The following EDA variants were observed in gnomAD, a reference collection of about 807,000 sequenced individuals.
EDA encodes the protein ectodysplasin-A.
A neutral mutation model predicts 23.6 loss-of-function variants in EDA; 2 were observed. The ratio of observed to expected loss-of-function variants is 0.08; its 90% CI spans 0.03 to 0.27. The LOEUF is 0.27. Ranked by LOEUF, EDA falls within the 10% of genes least tolerant of loss-of-function variation. The pLI, the probability that EDA is intolerant of heterozygous loss-of-function variation, is 1.00. For synonymous variants in EDA, 131 were observed against 132.0 expected, an observed-to-expected ratio of 0.99 and a Z score of 0.05; for missense variants, 229 against 324.2, an observed-to-expected ratio of 0.71 and a Z score of 2.26.
chrX:69,636,597 G>A (rs1932777826), intron 1 of EDA, among the ~76,000 whole-genome samples: 1 of 104,460 alleles, frequency 9.6e-6, no homozygotes, highest in Non-Finnish European at 1.9e-5. Context: ...CTAGAACAAT[G>A]TCACGCACAC....
intron 1 of EDA, among the ~76,000 whole-genome samples, chrX:69,697,541 G>T (rs959542172): frequency 4.5e-5 from 5 of 111,939 alleles, no homozygotes; most frequent in Admixed American, 9.5e-5. Flanking sequence ...TAATTTTTGG[G>T]TTATTCTTGA....
At chrX:70,024,567 C>G (rs756207885) in intron 3 of EDA, among the ~76,000 whole-genome samples, 1 of 112,715 alleles carries the variant, frequency 8.9e-6, no homozygotes, top group Non-Finnish European at 1.9e-5. Flanking sequence ...GCACTGCTAC[C>G]TTGTGTACGG....
intron 1 of EDA, among the ~76,000 whole-genome samples, chrX:69,806,811 A>G (rs2015825898): frequency 9.1e-6 from 1 of 109,991 alleles, no homozygotes; most frequent in Non-Finnish European, 1.9e-5. Flanking sequence ...CTATGGTAGC[A>G]AGGAGCATAG....
intron 1 of EDA, among the ~76,000 whole-genome samples, chrX:69,891,474 G>A (rs1242383076): frequency 8.9e-6 from 1 of 111,767 alleles, no homozygotes; most frequent in Non-Finnish European, 1.9e-5. Flanking sequence ...TATGTCCATT[G>A]TAGCACTATT....
intron 6 of EDA, among the ~76,000 whole-genome samples, chrX:70,033,055 G>T (rs2020220619): frequency 8.9e-6 from 1 of 112,877 alleles, no homozygotes; most frequent in African/African-American, 3.2e-5. Context: ...TGCCTGTGCA[G>T]GCCCCATAAC....
At chrX:69,675,846 A>G (rs1030432823) in intron 1 of EDA, among the ~76,000 whole-genome samples, 15 of 111,450 alleles carry the variant, frequency 1.3e-4, no homozygotes, top group African/African-American at 3.9e-4. Context: ...ATGTGTATGT[A>G]TATGTGCACA....
At chrX:69,972,397 T>A (rs1031789820) in intron 2 of EDA, among the ~76,000 whole-genome samples, 3 of 111,595 alleles carry the variant, frequency 2.7e-5, no homozygotes, top group Admixed American at 9.6e-5. Flanking sequence ...TAGGCCCCCT[T>A]TTCTTCTTGC....
At chrX:69,703,879 T>C (rs2011613632) in intron 1 of EDA, among the ~76,000 whole-genome samples, 1 of 112,067 alleles carries the variant, frequency 8.9e-6, no homozygotes, top group African/African-American at 3.2e-5. Context: ...AATATATCGT[T>C]ATAATTTTGG....
At chrX:69,847,361 T>G (rs1161687999) in intron 1 of EDA, among the ~76,000 whole-genome samples, 1 of 111,173 alleles carries the variant, frequency 9.0e-6, no homozygotes, top group Non-Finnish European at 1.9e-5. Flanking sequence ...GGAGTTTTAC[T>G]GTTCAGTGAG....
intron 1 of EDA, among the ~76,000 whole-genome samples, chrX:69,674,818 G>C (rs994267104): frequency 9.0e-6 from 1 of 111,106 alleles, no homozygotes; most frequent in African/African-American, 3.3e-5. Flanking sequence ...GACTTTTCTT[G>C]TAACGTTTAA....
At chrX:69,889,694 C>T (rs934929128) in intron 1 of EDA, among the ~76,000 whole-genome samples, 1 of 111,771 alleles carries the variant, frequency 8.9e-6, no homozygotes, top group Non-Finnish European at 1.9e-5. Flanking sequence ...AATCCCCTAA[C>T]AAATATATGA....
chrX:69,821,108 C>G (rs1414255030), intron 1 of EDA, among the ~76,000 whole-genome samples: 1 of 110,509 alleles, frequency 9.0e-6, no homozygotes, highest in Non-Finnish European at 1.9e-5. Flanking sequence ...GAGTTGGAAG[C>G]CATTATCCTC....
At chrX:69,736,010 GA>G (rs11316346) in intron 1 of EDA, among the ~76,000 whole-genome samples, 8,712 of 102,305 alleles carry the variant, frequency 0.085, 965 homozygotes, top group East Asian at 0.7. Context: ...ATCTGCAAGA[GA>G]AAAAAAAAAA....
At chrX:69,955,291 G>A (rs749875038) in intron 1 of EDA, among the ~76,000 whole-genome samples, 1 of 112,085 alleles carries the variant, frequency 8.9e-6, no homozygotes, top group Non-Finnish European at 1.9e-5. Flanking sequence ...GTTGAACCAT[G>A]TGAAATTGTT....
At chrX:69,899,569 A>G (rs1256691837) in intron 1 of EDA, among the ~76,000 whole-genome samples, 4 of 110,795 alleles carry the variant, frequency 3.6e-5, no homozygotes, top group Non-Finnish European at 5.7e-5. Flanking sequence ...ACTAGATAAT[A>G]TGTATATACA....
chrX:69,694,417 T>G (rs1477492298), intron 1 of EDA, among the ~76,000 whole-genome samples: 1 of 112,172 alleles, frequency 8.9e-6, no homozygotes, highest in Non-Finnish European at 1.9e-5. Flanking sequence ...TGTTCTGCGT[T>G]TGGGTTAGCA....
At chrX:69,832,829 G>A (rs1243072046) in intron 1 of EDA, among the ~76,000 whole-genome samples, 1 of 111,085 alleles carries the variant, frequency 9.0e-6, no homozygotes, top group Non-Finnish European at 1.9e-5. Context: ...TTCATGATTT[G>A]GCTCTCTGTT....
At chrX:69,838,644 A>C (rs2016831657) in intron 1 of EDA, among the ~76,000 whole-genome samples, 1 of 112,482 alleles carries the variant, frequency 8.9e-6, no homozygotes, top group Non-Finnish European at 1.9e-5. Flanking sequence ...ATAAATAAAA[A>C]ACAAATAAAC....
At chrX:69,923,234 A>G (rs1055358234) in intron 1 of EDA, among the ~76,000 whole-genome samples, 3 of 111,123 alleles carry the variant, frequency 2.7e-5, no homozygotes, top group African/African-American at 9.8e-5. Flanking sequence ...ATAGGTATAC[A>G]TGTGTCATGG....
Sources: allele counts gnomAD v4.1 joint callset (sites outside exome capture counted in the v4.1 genomes callset), GRCh38; gene constraint gnomAD v4.1.1; transcripts MANE v1.5; gene names NCBI Gene and HGNC (gene_info 2026-07-23, HGNC 2026-07-21).